The following DPY30 variants were observed in gnomAD, a reference collection of about 807,000 sequenced individuals.
DPY30 encodes dpy-30 histone methyltransferase complex regulatory subunit, also known as protein dpy-30 homolog.
A neutral mutation model predicts 16.2 loss-of-function variants in DPY30; 6 were observed. That is an observed-to-expected ratio of 0.37 (90% CI 0.20 to 0.73). The LOEUF (loss-of-function observed/expected upper bound fraction) is 0.73. DPY30 is among the 30% of genes least tolerant of loss of function. DPY30 has a pLI of 0.51. For synonymous variants in DPY30, 39 were observed against 38.8 expected (o/e 1.00, Z -0.02); for missense variants, 73 against 113.1 (o/e 0.65, Z 1.61).
At chr2:32,027,034 G>T (rs1465448090) in intron 4 of DPY30, among the ~76,000 whole-genome samples, 1 of 151,280 alleles carries the variant, frequency 6.6e-6, no homozygotes, top group Admixed American at 6.6e-5. Context: ...CCAGCATTTT[G>T]GGAGGCCAAT....
chr2:32,032,853 G>T (rs1409126984), intron 3 of DPY30, among the ~76,000 whole-genome samples: 1 of 151,404 alleles, frequency 6.6e-6, no homozygotes, highest in Non-Finnish European at 1.5e-5. Context: ...AAACTTATCT[G>T]GGCATGGTGG....
At chr2:32,025,313 A>C (rs943794097) in intron 4 of DPY30, among the ~76,000 whole-genome samples, 1 of 152,120 alleles carries the variant, frequency 6.6e-6, no homozygotes, top group African/African-American at 2.4e-5. Flanking sequence ...AAATACAAAA[A>C]TTAGCCGGTC....
In DPY30 at chr2:32,029,629, G is replaced by A. The variant is rs1177378610; in HGVS notation, c.192C>T (p.Ile64=). ...CAAGCACAGCAAGTCCCTGTAATAA[G>A]ATAGGCACAACTGTCTGATCCAGGT... ...RAYLDQTVVP[I]LLQGLAVLAK... is the part of the protein sequence containing the mutation. The change falls in exon 4 of 5, where the codon ATC becomes ATT. Residue 64 remains isoleucine (I), a synonymous_variant. Coordinates refer to ENST00000342166, the MANE Select transcript of DPY30 (RefSeq NM_001321209.2). 3 of 1,613,484 alleles carry A rather than the reference G, an allele frequency of 1.9e-6. No individual in the cohort carries two copies. Among genetic ancestry groups the A allele is most frequent in the Non-Finnish European group, 2.5e-6 (3 of 1,179,984 alleles).
Position 32,039,465 on chromosome 2 carries a change from C to T in DPY30, c.-9G>A, listed in dbSNP as rs1675882571. The stretch of plus-strand genomic sequence containing the variant: ...ATCTGCTCTGGCTCCATGGCGGACC[C>T]TGCAAGTCACAGTCCCCGGATACCA... On this transcript the variant is annotated 5_prime_UTR_variant, in exon 2 of 5. Coordinates refer to ENST00000342166, the MANE Select transcript of DPY30 (RefSeq NM_001321209.2). 1 of 1,613,970 alleles carries T rather than the reference C, an allele frequency of 6.2e-7. No homozygotes were observed. Among genetic ancestry groups the T allele is most frequent in the African/African-American group, 1.3e-5 (1 of 74,922 alleles).
intron 5 of DPY30, among the ~76,000 whole-genome samples, chr2:32,018,456 A>G (rs2148651449): frequency 6.6e-6 from 1 of 152,320 alleles, no homozygotes; most frequent in African/African-American, 2.4e-5. Context: ...AGCCAGGCAC[A>G]GTGGCTCACG....
At chr2:32,026,772 A>C (rs1275581809) in intron 4 of DPY30, among the ~76,000 whole-genome samples, 2 of 152,150 alleles carry the variant, frequency 1.3e-5, no homozygotes, top group African/African-American at 4.8e-5. Flanking sequence ...TGAGCAACAT[A>C]GCATCCAGCC....
chr2:32,027,260 G>C (rs896292018), intron 4 of DPY30, among the ~76,000 whole-genome samples: 3 of 128,564 alleles, frequency 2.3e-5, no homozygotes, highest in African/African-American at 5.9e-5. Context: ...GGGCAACAGA[G>C]ACTCTGTCTC....
chr2:32,034,670 G>A (rs1294300675), intron 3 of DPY30, among the ~76,000 whole-genome samples: 1 of 152,128 alleles, frequency 6.6e-6, no homozygotes, highest in Non-Finnish European at 1.5e-5. Flanking sequence ...ACACAGGCTG[G>A]AAACAGTTTG....
At chr2:32,026,656 T>C (rs1675341548) in intron 4 of DPY30, among the ~76,000 whole-genome samples, 1 of 151,856 alleles carries the variant, frequency 6.6e-6, no homozygotes, top group Non-Finnish European at 1.5e-5. Flanking sequence ...CCAGGCACGA[T>C]GGCAGGCGCC....
At chr2:32,017,456 A>C (rs1224473001) in intron 5 of DPY30, among the ~76,000 whole-genome samples, 1 of 151,904 alleles carries the variant, frequency 6.6e-6, no homozygotes, top group African/African-American at 2.4e-5. Context: ...GTCTTTACTA[A>C]AAATACAAAA....
At chr2:32,018,609 C>T (rs992014378) in intron 5 of DPY30, among the ~76,000 whole-genome samples, 1 of 152,096 alleles carries the variant, frequency 6.6e-6, no homozygotes, top group Non-Finnish European at 1.5e-5. Flanking sequence ...CACCTGTAGT[C>T]CCAGCTATTC....
chr2:32,022,485 C>A (rs1488842888), downstream of DPY30, among the ~76,000 whole-genome samples: 1 of 151,562 alleles, frequency 6.6e-6, no homozygotes, highest in Non-Finnish European at 1.5e-5. Context: ...ATAAGGCATA[C>A]CTAATCAGCA....
chr2:32,017,388 G>A (rs990976551), intron 5 of DPY30, among the ~76,000 whole-genome samples: 6 of 151,746 alleles, frequency 4.0e-5, no homozygotes, highest in Non-Finnish European at 7.4e-5. Context: ...AGGCCAAGGC[G>A]GGCAGATCAT....
chr2:32,023,194 G>A (rs1675222585), downstream of DPY30, among the ~76,000 whole-genome samples: 3 of 151,370 alleles, frequency 2.0e-5, no homozygotes, highest in South Asian at 6.3e-4. Context: ...ATGGGGGTGG[G>A]GAGAGATAAT....
intron 5 of DPY30, among the ~76,000 whole-genome samples, chr2:32,013,700 A>G (rs954662580): frequency 1.3e-5 from 2 of 152,178 alleles, no homozygotes; most frequent in Non-Finnish European, 2.9e-5. Flanking sequence ...ATCCTTATGA[A>G]GCTCAGACTT....
intron 3 of DPY30, among the ~76,000 whole-genome samples, chr2:32,038,203 T>C (rs544098806): frequency 1.4e-4 from 21 of 145,506 alleles, no homozygotes; most frequent in Non-Finnish European, 3.2e-4. Flanking sequence ...TGGCATGATC[T>C]CGGCTCACTG....
intron 5 of DPY30, among the ~76,000 whole-genome samples, chr2:32,017,109 C>T (rs1675080457): frequency 6.6e-6 from 1 of 151,932 alleles, no homozygotes; most frequent in Non-Finnish European, 1.5e-5. Flanking sequence ...TCTCAAACTC[C>T]TGACATCAGG....
intron 5 of DPY30, among the ~76,000 whole-genome samples, chr2:32,014,507 G>A (rs761973268): frequency 1.1e-4 from 16 of 149,430 alleles, no homozygotes; most frequent in South Asian, 2.1e-4. Context: ...TTTTTGAGAC[G>A]GAGTCTCGCT....
rs1369650627 is a variant in DPY30, at chr2:32,039,467, G to A, written c.-11C>T. The A allele has an allele frequency of 6.2e-7, 1 of 1,614,038 alleles. No individual in the cohort carries two copies. Among genetic ancestry groups the A allele is most frequent in the Non-Finnish European group, 8.5e-7 (1 of 1,180,020 alleles). ...CTGCTCTGGCTCCATGGCGGACCCT[G>A]CAAGTCACAGTCCCCGGATACCAGT... On this transcript the variant is annotated 5_prime_UTR_variant, in exon 2 of 5. Transcript: ENST00000342166.
Sources: gnomAD v4.1 joint callset for allele counts (sites outside exome capture counted in the v4.1 genomes callset) on GRCh38, gnomAD v4.1.1 for gene constraint, MANE v1.5 for transcripts, NCBI Gene and HGNC (gene_info 2026-07-23, HGNC 2026-07-21) for gene names.